KCNIP1: variants seen among roughly 807,000 people sequenced by gnomAD.
KCNIP1 encodes the protein potassium voltage-gated channel interacting protein 1.
A neutral mutation model predicts 33.0 loss-of-function variants in KCNIP1; 18 were observed. That is an observed-to-expected ratio of 0.55 (90% confidence interval 0.38 to 0.81). The LOEUF is 0.81. Among genes scored for constraint, KCNIP1 ranks in the 30% least tolerant of loss-of-function variants. The pLI is 0.00. For synonymous variants in KCNIP1, 93 were observed against 98.3 expected, an observed-to-expected ratio of 0.95 and a Z score of 0.32; for missense variants, 238 against 271.6, an observed-to-expected ratio of 0.88 and a Z score of 0.87.
intron 1 of KCNIP1, among the ~76,000 whole-genome samples, chr5:170,688,932 A>C (rs918325855): frequency 6.6e-6 from 1 of 150,514 alleles, no homozygotes; most frequent in Non-Finnish European, 1.5e-5. Flanking sequence ...TGGAAATGGG[A>C]CACCCAAGAA....
At chr5:170,421,981 T>TAC (rs1399734051) in intron 1 of KCNIP1, 1 of 152,164 alleles carries the variant, frequency 6.6e-6, no homozygotes, top group Non-Finnish European at 1.5e-5. Flanking sequence ...GAAGCAGTGT[T>TAC]TGGAGCTGAG....
chr5:170,725,326 A>G (rs1415103355), intron 5 of KCNIP1, among the ~76,000 whole-genome samples: 11 of 152,226 alleles, frequency 7.2e-5, no homozygotes, highest in Non-Finnish European at 1.5e-4. Flanking sequence ...CTTATACACA[A>G]TGGAGTACTT....
chr5:170,501,439 G>T (rs181679833), upstream of KCNIP1, among the ~76,000 whole-genome samples: 14 of 152,298 alleles, frequency 9.2e-5, no homozygotes, highest in African/African-American at 3.1e-4. Context: ...CCACAAAAAA[G>T]ACCTCATAAT....
intron 1 of KCNIP1, among the ~76,000 whole-genome samples, chr5:170,670,663 C>T (rs1318105498): frequency 1.3e-5 from 2 of 152,106 alleles, no homozygotes; most frequent in African/African-American, 2.4e-5. Context: ...GAGGCTGAAG[C>T]GGGTGGACCG....
intron 1 of KCNIP1, among the ~76,000 whole-genome samples, chr5:170,554,712 T>C (rs1219967190): frequency 6.6e-6 from 1 of 152,224 alleles, no homozygotes; most frequent in Non-Finnish European, 1.5e-5. Flanking sequence ...AAATTCTTTT[T>C]ATGCTCCATG....
At chr5:170,601,579 T>C (rs1758690838) in intron 1 of KCNIP1, among the ~76,000 whole-genome samples, 1 of 152,124 alleles carries the variant, frequency 6.6e-6, no homozygotes, top group Non-Finnish European at 1.5e-5. Flanking sequence ...AGAAGGAAAT[T>C]GAATGAAATT....
chr5:170,645,273 A>G (rs1198486332), intron 1 of KCNIP1, among the ~76,000 whole-genome samples: 1 of 152,212 alleles, frequency 6.6e-6, no homozygotes, highest in Non-Finnish European at 1.5e-5. Flanking sequence ...TTTAAATTGG[A>G]TTTAAACATT....
intron 1 of KCNIP1, among the ~76,000 whole-genome samples, chr5:170,521,795 T>A (rs1364624343): frequency 1.3e-5 from 2 of 152,234 alleles, no homozygotes; most frequent in Admixed American, 1.3e-4. Flanking sequence ...TAACCCTAGC[T>A]GCTATAACAA....
At chr5:170,562,495 T>C (rs561303568) in intron 1 of KCNIP1, among the ~76,000 whole-genome samples, 8 of 152,358 alleles carry the variant, frequency 5.3e-5, no homozygotes, top group African/African-American at 1.9e-4. Flanking sequence ...CAAACATTTA[T>C]TGGATGAGTA....
intron 1 of KCNIP1, among the ~76,000 whole-genome samples, chr5:170,670,915 A>AT (rs200225874): frequency 0.14 from 19,752 of 138,804 alleles, 2,654 homozygotes; most frequent in African/African-American, 0.37. Context: ...AAAAAAAAAT[A>AT]AAAAAAAAAG....
chr5:170,504,614 A>C lies in KCNIP1; in HGVS notation c.42A>C (p.Lys14Asn). Residue 14 changes from lysine (K) to asparagine (N), a missense_variant, in exon 1 of 8, where the codon AAA becomes AAC. Physicochemically the swap from Lys to Asn is moderately conservative, Grantham distance 94. Transcript: ENST00000328939. This position sits in a 1 kb window ranked among gnomAD's most constrained non-coding sequence, Gnocchi z 6.0. ...GCACCTTCTCATCTCTGCAAACCAA[A>C]CAAAGGCGACCCTCGAAAGGTAAGC... ...VMGTFSSLQTKQRRPSKDKIE... is the reference protein window; with the variant it reads ...VMGTFSSLQTNQRRPSKDKIE... 1.2e-6 allele frequency: 2 copies of C among 1,613,584 alleles called. No individual in the cohort carries two copies. The highest frequency in any genetic ancestry group is 1.7e-6 in the Non-Finnish European group (2 of 1,179,824).
At chr5:170,696,016 C>CAAAAAAAAAA (rs34474795) in intron 1 of KCNIP1, among the ~76,000 whole-genome samples, 2 of 93,966 alleles carry the variant, frequency 2.1e-5, no homozygotes, top group Non-Finnish European at 4.5e-5. Flanking sequence ...GACTCTGTCT[C>CAAAAAAAAAA]AAAAAAAAAA....
intron 7 of KCNIP1, 80 bp downstream of exon 7, chr5:170,733,978 G>C (rs1439575885): frequency 8.4e-7 from 1 of 1,196,232 alleles, no homozygotes; most frequent in Admixed American, 1.8e-5. Context: ...GAAGGAAGGT[G>C]ATGAGAAACC....
At chr5:170,615,978 G>GC (rs1442969157) in intron 1 of KCNIP1, among the ~76,000 whole-genome samples, 22 of 152,286 alleles carry the variant, frequency 1.4e-4, no homozygotes, top group African/African-American at 5.3e-4. Flanking sequence ...CTTGGAAGAG[G>GC]CAGGACTGAG....
intron 1 of KCNIP1, among the ~76,000 whole-genome samples, chr5:170,579,496 C>T (rs1160024320): frequency 1.3e-5 from 2 of 152,086 alleles, no homozygotes; most frequent in African/African-American, 4.8e-5. Context: ...AGAAGCTGGC[C>T]CTAGATCTCA....
At chr5:170,385,842 A>G (rs1764446595) in intron 1 of KCNIP1, among the ~76,000 whole-genome samples, 1 of 152,050 alleles carries the variant, frequency 6.6e-6, no homozygotes, top group Non-Finnish European at 1.5e-5. Flanking sequence ...CTTGAAGGCC[A>G]GGTGCGGTGG....
At chr5:170,627,367 A>G (rs533524437) in intron 1 of KCNIP1, among the ~76,000 whole-genome samples, 1 of 152,354 alleles carries the variant, frequency 6.6e-6, no homozygotes, top group African/African-American at 2.4e-5. Flanking sequence ...GCAAGCCCCA[A>G]GGGCTTCCCT....
chr5:170,385,944 C>A (rs1355292260), intron 1 of KCNIP1, among the ~76,000 whole-genome samples: 8 of 151,612 alleles, frequency 5.3e-5, no homozygotes, highest in Admixed American at 2.6e-4. Context: ...ATGGTGAAAC[C>A]CCATCTCTAC....
In KCNIP1 at chr5:170,549,621, G is replaced by A. The variant is rs181712983; in HGVS notation, c.61+44988G>A. On this transcript the variant is annotated intron_variant, in intron 1 of 7. Coordinates refer to ENST00000328939, the MANE Select transcript of KCNIP1 (RefSeq NM_014592.4). ...GATTTAACCCATTAACAGTGTTTCT[G>A]AAAGTATGTTCCTTGAAACACTAGA... Among the ~76,000 whole-genome samples the A allele has an allele frequency of 1.4e-3, 219 of 152,320 alleles. 1 individual carries two copies. The highest frequency in any genetic ancestry group is 3.7e-4 in the Non-Finnish European group (25 of 68,032).
Sources: allele counts gnomAD v4.1 joint callset (sites outside exome capture counted in the v4.1 genomes callset), GRCh38; gene constraint gnomAD v4.1.1; non-coding constraint Gnocchi (gnomAD v3.1); transcripts MANE v1.5; gene names NCBI Gene and HGNC (gene_info 2026-07-23, HGNC 2026-07-21).